The following MINK1 variants were observed in gnomAD, a reference collection of about 807,000 sequenced individuals.
The protein encoded by MINK1 is misshapen-like kinase 1.
Under a neutral mutation model 178.4 loss-of-function variants are expected in MINK1, and 46 were observed. The observed-to-expected ratio is 0.26, with a 90% CI of 0.20 to 0.33. The LOEUF (loss-of-function observed/expected upper bound fraction) is 0.33, where lower values mean the gene tolerates loss of function less well. Among genes scored for constraint, MINK1 ranks in the 10% least tolerant of loss-of-function variants. The pLI is 1.00. For missense variants in MINK1, 1,366 were observed against 1,814.9 expected, an observed-to-expected ratio of 0.75 and a Z score of 4.49; for synonymous variants, 797 against 709.7, an observed-to-expected ratio of 1.12 and a Z score of -1.96.
chr17:4,884,493 C>A lies in MINK1; in HGVS notation c.417+20C>A, dbSNP rs199881468. On this transcript the variant is annotated intron_variant, in intron 5 of 31. Coordinates refer to ENST00000355280, the MANE Select transcript of MINK1 (RefSeq NM_153827.5). ...CTCAGGGTGAGCTCAAGGCCCCTCC[C>A]CTTGTCTTCTCCTCCGCTACCCTGG... is the stretch of plus-strand genomic sequence containing the variant. 223 of 1,564,808 alleles carry A rather than the reference C, an allele frequency of 1.4e-4. 1 individual carries two copies. Among genetic ancestry groups the A allele is most frequent in the Non-Finnish European group, 7.4e-5 (84 of 1,135,618 alleles).
At chr17:4,877,426 C>T (rs1016556752) in intron 1 of MINK1, among the ~76,000 whole-genome samples, 1 of 152,186 alleles carries the variant, frequency 6.6e-6, no homozygotes, top group Non-Finnish European at 1.5e-5. Context: ...TGACTCCCTC[C>T]GTCCAGGTCC....
chr17:4,841,128 A>C (rs72835015), intron 1 of MINK1, among the ~76,000 whole-genome samples: 12,907 of 152,166 alleles, frequency 0.085, 557 homozygotes, highest in Non-Finnish European at 0.094. Flanking sequence ...TGTGGTCACA[A>C]CTGGGGGCCC....
intron 1 of MINK1, among the ~76,000 whole-genome samples, chr17:4,857,614 G>A (rs1232512182): frequency 3.3e-5 from 5 of 151,676 alleles, no homozygotes; most frequent in South Asian, 2.1e-4. Flanking sequence ...CTATAGGCAC[G>A]CACCACCATG....
chr17:4,885,332 G>A lies in MINK1; in HGVS notation c.509-151G>A, dbSNP rs1011277322. ...TGGAAGATGGAATCGGGTTCTTCAG[G>A]ATGGTGGTGGGGTAAAGGAGGGTGC... On this transcript the variant is annotated intron_variant, in intron 6 of 31. Coordinates refer to ENST00000355280, the MANE Select transcript of MINK1 (RefSeq NM_153827.5). The surrounding 1 kb of genome is among the most constrained non-coding windows in gnomAD (Gnocchi z 5.0). The A allele has an allele frequency of 8.4e-5, 85 of 1,007,008 alleles. No homozygotes were observed. The East Asian group carries it at 9.1e-4, about 11-fold the overall frequency. The allele number at this position is 1,007,008 out of a possible 1,614,324, so 62.4% of individuals were successfully genotyped here.
chr17:4,897,025 C>T (rs1969594590), intron 31 of MINK1, 179 bp from the exon 32 acceptor site: 1 of 874,668 alleles, frequency 1.1e-6, no homozygotes, highest in Non-Finnish European at 1.8e-6. Flanking sequence ...AGTGGTGCAC[C>T]CTCTCCCCTA....
At chr17:4,891,272 G>C in intron 15 of MINK1, 148 bp downstream of exon 15, 3 of 1,165,428 alleles carry the variant, frequency 2.6e-6, no homozygotes, top group Non-Finnish European at 3.6e-6. Flanking sequence ...TTTGTGGACA[G>C]ACTCACTCAC....
chr17:4,834,907 A>G (rs1213923538), intron 1 of MINK1: 5 of 518,086 alleles, frequency 9.7e-6, no homozygotes, highest in African/African-American at 1.9e-5. Context: ...GGGAGAGGGG[A>G]ATTGAAGAGA....
chr17:4,895,844 C>G lies in MINK1; in HGVS notation c.3364+12C>G. 4 of 1,612,520 alleles carry G rather than the reference C, an allele frequency of 2.5e-6. No homozygotes were observed. Among genetic ancestry groups the G allele is most frequent in the Non-Finnish European group, 3.4e-6 (4 of 1,179,138 alleles). On this transcript the variant is annotated intron_variant, in intron 27 of 31. Coordinates refer to ENST00000355280, the MANE Select transcript of MINK1 (RefSeq NM_153827.5). The surrounding 1 kb of genome is among the most constrained non-coding windows in gnomAD (Gnocchi z 4.3). ...GCACTACCGTGTTGGTGAGGATGTCCCAACAGAGTGGCCAGCGCATACTTG... is the reference window on the plus strand; with the variant it reads ...GCACTACCGTGTTGGTGAGGATGTCGCAACAGAGTGGCCAGCGCATACTTG...
chr17:4,897,334 CT>C lies in MINK1; in HGVS notation c.*48del. 6.3e-7 allele frequency: 1 copy of C among 1,577,786 alleles called. No individual in the cohort carries two copies. The highest frequency in any genetic ancestry group is 8.7e-7 in the Non-Finnish European group (1 of 1,149,604). On this transcript the variant is annotated 3_prime_UTR_variant, in exon 32 of 32. Transcript: ENST00000355280. ...TCCCACACTGGACCCAGCTCTCCCC[CT>C]GCAGCCAGGCTTCCCGGGCCGCCCC...
At chr17:4,882,416 G>A (rs1041155223) in intron 4 of MINK1, among the ~76,000 whole-genome samples, 10 of 152,218 alleles carry the variant, frequency 6.6e-5, no homozygotes, top group African/African-American at 2.4e-4. Context: ...CAGACCCAGA[G>A]CCCTCCTCAT....
rs539939313 is a variant in MINK1 at position 4,837,249 on chromosome 17, A to G, written c.57+3609A>G. On this transcript the variant is annotated intron_variant, in intron 1 of 31. Transcript: ENST00000355280. ...AGCTAAGATTTTGGCTGTTTTGTTC[A>G]TTTTTGTATCCCCAGTGCCTGTAAG... is the stretch of plus-strand genomic sequence containing the variant. 1.4e-4 allele frequency among the ~76,000 whole-genome samples: 21 copies of G among 152,284 alleles called. No homozygotes were observed. The South Asian group carries it at 4.4e-3, about 32-fold the overall frequency.
At chr17:4,857,096 G>T in intron 1 of MINK1, 1 of 211,332 alleles carries the variant, frequency 4.7e-6, no homozygotes. Flanking sequence ...TCAGGCCAGC[G>T]CCCAGCTGGA....
At chr17:4,892,099 G>C (rs773019214) in intron 16 of MINK1, 50 bp from the exon 17 acceptor site, 35 of 1,454,022 alleles carry the variant, frequency 2.4e-5, no homozygotes, top group Non-Finnish European at 3.0e-5. Flanking sequence ...AAACATCTGA[G>C]AAGTGCCTGT....
At chr17:4,855,551 G>A (rs554906187) in intron 1 of MINK1, among the ~76,000 whole-genome samples, 1 of 148,252 alleles carries the variant, frequency 6.7e-6, no homozygotes, top group South Asian at 2.1e-4. Context: ...GGGAGGCCGA[G>A]GCGGGCGGAT....
rs375938060 is a variant in MINK1 at position 4,897,433 on chromosome 17, C to T, written c.*146C>T. Reference sequence around the variant, plus strand: ...AGCCTGCTGGGAACGTGACCTCTGACCCCTGATGCTTTCGTGATCACGTGA... The same window carrying T: ...AGCCTGCTGGGAACGTGACCTCTGATCCCTGATGCTTTCGTGATCACGTGA... On this transcript the variant is annotated 3_prime_UTR_variant, in exon 32 of 32. Coordinates refer to ENST00000355280, the MANE Select transcript of MINK1 (RefSeq NM_153827.5). The T allele has an allele frequency of 1.2e-5, 8 of 664,770 alleles. No individual in the cohort carries two copies. In the East Asian group the frequency reaches 1.4e-4, roughly 12 times the overall value. The allele number at this position is 664,770 out of a possible 1,614,324, so 41.2% of individuals were successfully genotyped here.
chr17:4,885,768 G>A lies in MINK1; in HGVS notation c.640-143G>A, dbSNP rs1968144921. ...CTTACGGCAAGGCAAGTGTGGGTGGGAAGATGGGATGGGTTGGAAGGCACT... is the reference window on the plus strand; with the variant it reads ...CTTACGGCAAGGCAAGTGTGGGTGGAAAGATGGGATGGGTTGGAAGGCACT... On this transcript the variant is annotated intron_variant, in intron 7 of 31. Transcript: ENST00000355280. This position sits in a 1 kb window ranked among gnomAD's most constrained non-coding sequence, Gnocchi z 5.0. 7.2e-7 allele frequency: 1 copy of A among 1,388,450 alleles called. No homozygotes were observed. Among genetic ancestry groups the A allele is most frequent in the Non-Finnish European group, 9.9e-7 (1 of 1,011,128 alleles). 86.0% of individuals were successfully genotyped at this position (1,388,450 alleles called of 1,614,324 possible).
chr17:4,839,008 A>G (rs1179626146), intron 1 of MINK1, among the ~76,000 whole-genome samples: 1 of 150,062 alleles, frequency 6.7e-6, no homozygotes, highest in Non-Finnish European at 1.5e-5. Flanking sequence ...CAGTGGCGCG[A>G]TCTTGGCTCA....
At chr17:4,834,392 ACACACGCG>A (rs1190338708) in intron 1 of MINK1, among the ~76,000 whole-genome samples, 6 of 152,072 alleles carry the variant, frequency 3.9e-5, no homozygotes, top group African/African-American at 1.4e-4. Flanking sequence ...TTACACACAC[ACACACGCG>A]CACACACGAC....
chr17:4,891,676 C>T lies in MINK1; in HGVS notation c.1961C>T (p.Pro654Leu). 1 of 1,602,094 alleles carries T rather than the reference C, an allele frequency of 6.2e-7. No homozygotes were observed. The highest frequency in any genetic ancestry group is 8.5e-7 in the Non-Finnish European group (1 of 1,175,082). Residue 654 changes from proline to leucine, a missense_variant, in exon 16 of 32, where the codon CCC becomes CTC. Physicochemically the swap from Pro to Leu is moderately conservative, Grantham distance 98 (BLOSUM62 -3). Transcript: ENST00000355280. ...GAAGGACCTGGCCCCAGCCCGAATC[C>T]CCCAGCCTGGGTCCGCCCAGATAAC... ...TSEGPGPSPN[P>L]PAWVRPDNEA...
Sources: allele counts gnomAD v4.1 joint callset (sites outside exome capture counted in the v4.1 genomes callset), GRCh38; gene constraint gnomAD v4.1.1; non-coding constraint Gnocchi (gnomAD v3.1); transcripts MANE v1.5; gene names NCBI Gene and HGNC (gene_info 2026-07-23, HGNC 2026-07-21).